METTL25: variants seen among roughly 807,000 people sequenced by gnomAD.
METTL25 encodes the protein probable methyltransferase-like protein 25.
A neutral mutation model predicts 71.6 loss-of-function variants in METTL25; 64 were observed. That is an observed-to-expected ratio of 0.89 (90% CI 0.73 to 1.10). The LOEUF (loss-of-function observed/expected upper bound fraction) is 1.10. Ranked by LOEUF, METTL25 falls within the 50% of genes least tolerant of loss-of-function variation. The pLI, the probability that METTL25 is intolerant of heterozygous loss-of-function variation, is 0.00. For missense variants in METTL25, 807 were observed against 707.0 expected (o/e 1.14, Z -1.60); for synonymous variants, 287 against 250.3 (o/e 1.15, Z -1.38).
chr12:82,422,552 T>G (rs1296611455), intron 5 of METTL25, among the ~76,000 whole-genome samples: 2 of 152,024 alleles, frequency 1.3e-5, no homozygotes, highest in African/African-American at 2.4e-5. Context: ...CCAGGGCAAT[T>G]AGGCAGGAGA....
intron 3 of METTL25, among the ~76,000 whole-genome samples, chr12:82,392,711 G>A (rs1885708635): frequency 6.6e-6 from 1 of 152,020 alleles, no homozygotes; most frequent in South Asian, 2.1e-4. Context: ...TCTTTGCCTA[G>A]ACCAATGTCC....
rs1892936347 is a variant in METTL25, at chr12:82,477,368, TTAAAA to T, written c.1719+19_1719+23del. 7.3e-7 allele frequency: 1 copy of T among 1,366,742 alleles called. No individual in the cohort carries two copies. The highest frequency in any genetic ancestry group is 2.0e-5 in the Admixed American group (1 of 49,820). The allele number at this position is 1,366,742 out of a possible 1,614,324, so 84.7% of individuals were successfully genotyped here. A position where few individuals can be genotyped will look rare whatever the true frequency, so the allele number is the denominator to read the frequency against. Reference sequence around the variant, plus strand: ...GAAAGAGCAGGTAAATTATGTTATTTTAAAATACACAACAAATATCTTATTAAATA... The same window carrying T: ...GAAAGAGCAGGTAAATTATGTTATTTTACACAACAAATATCTTATTAAATA... On this transcript the variant is annotated intron_variant, in intron 11 of 11. Transcript: ENST00000248306.
intron 1 of METTL25, 42 bp downstream of exon 1, chr12:82,358,866 G>A (rs1881358058): frequency 3.8e-6 from 6 of 1,559,056 alleles, no homozygotes; most frequent in African/African-American, 2.7e-5. Context: ...AGGCGGAGGA[G>A]AAGGTCCCGG....
chr12:82,431,765 A>T (rs1360379801), intron 6 of METTL25, among the ~76,000 whole-genome samples: 1 of 151,608 alleles, frequency 6.6e-6, no homozygotes, highest in Non-Finnish European at 1.5e-5. Flanking sequence ...TACAGACAAA[A>T]ATGCACTTAA....
chr12:82,433,970 T>A (rs943389096), intron 6 of METTL25, among the ~76,000 whole-genome samples: 1 of 151,268 alleles, frequency 6.6e-6, no homozygotes, highest in Non-Finnish European at 1.5e-5. Flanking sequence ...GAATACTCTA[T>A]TCCATATTTA....
intron 8 of METTL25, among the ~76,000 whole-genome samples, chr12:82,454,604 T>G (rs2137247856): frequency 6.6e-6 from 1 of 152,088 alleles, no homozygotes; most frequent in African/African-American, 2.4e-5. Context: ...ATAACCATAC[T>G]GTGATACTTT....
At chr12:82,463,740 A>C (rs1241174476) in intron 9 of METTL25, among the ~76,000 whole-genome samples, 1 of 151,870 alleles carries the variant, frequency 6.6e-6, no homozygotes, top group Non-Finnish European at 1.5e-5. Flanking sequence ...ATCCTTGCCA[A>C]CATTTGTTAT....
At chr12:82,391,390 A>G (rs1210113603) in intron 3 of METTL25, among the ~76,000 whole-genome samples, 2 of 152,052 alleles carry the variant, frequency 1.3e-5, no homozygotes, top group African/African-American at 4.8e-5. Context: ...AAATATAATG[A>G]TGTATCACTG....
intron 9 of METTL25, among the ~76,000 whole-genome samples, chr12:82,475,761 A>G (rs1359079288): frequency 6.6e-6 from 1 of 152,098 alleles, no homozygotes; most frequent in Non-Finnish European, 1.5e-5. Context: ...TGTAATACTT[A>G]TTTATATGAT....
At position 82,403,023 on chromosome 12, in the gene METTL25, C is replaced by T. The variant is rs1241186158; in HGVS notation, c.1172C>T (p.Ala391Val). ...GGTCTCCACACTTGTGGTGATCTGG[C>T]TCCAAATACTTTGCGAATATTTACC... ...MVGLHTCGDL[A>V]PNTLRIFTSN... Residue 391 changes from alanine (A) to valine (V), a missense_variant, in exon 5 of 12, where the codon GCT becomes GTT. By Grantham distance (64) the Ala-to-Val change is moderately conservative. Transcript: ENST00000248306. The T allele has an allele frequency of 6.2e-7, 1 of 1,612,906 alleles. No homozygotes were observed.
intron 5 of METTL25, among the ~76,000 whole-genome samples, chr12:82,411,591 A>G (rs1169335345): frequency 6.6e-6 from 1 of 152,126 alleles, no homozygotes; most frequent in African/African-American, 2.4e-5. Flanking sequence ...GGTCAAAACT[A>G]AAGAAGAAAC....
intron 7 of METTL25, 49 bp downstream of exon 7, chr12:82,434,773 C>T (rs746080600): frequency 1.4e-6 from 2 of 1,455,966 alleles, no homozygotes; most frequent in Non-Finnish European, 1.9e-6. Flanking sequence ...CTCTCAAGTA[C>T]TCTTCATACT....
intron 5 of METTL25, among the ~76,000 whole-genome samples, chr12:82,420,225 GT>G (rs995790326): frequency 6.6e-5 from 10 of 152,010 alleles, no homozygotes; most frequent in African/African-American, 2.4e-4. Flanking sequence ...AGGGTACAAA[GT>G]TTTGATTATA....
In METTL25 at chr12:82,403,125, A is replaced by T. The variant is rs371746726; in HGVS notation, c.1274A>T (p.His425Leu). The T allele has an allele frequency of 2.5e-6, 4 of 1,610,966 alleles. No homozygotes were observed. The highest frequency in any genetic ancestry group is 3.4e-6 in the Non-Finnish European group (4 of 1,178,838). Residue 425 changes from histidine (H) to leucine (L), a missense_variant, in exon 5 of 12, where the codon CAT becomes CTT. His to Leu is a moderately conservative substitution (Grantham distance 99, BLOSUM62 -3). Coordinates refer to ENST00000248306, the MANE Select transcript of METTL25 (RefSeq NM_032230.3). ...HLLSEEFENQ[H>L]KERTQEKWGF... ...TTATCTGAAGAATTTGAAAACCAGC[A>T]TAAAGGTACAAGTTCCCCATGTGTC...
In METTL25 at chr12:82,412,987, T is replaced by G. The variant is rs571572577; in HGVS notation, c.1279+9857T>G. On this transcript the variant is annotated intron_variant, in intron 5 of 11. Coordinates refer to ENST00000248306, the MANE Select transcript of METTL25 (RefSeq NM_032230.3). ...AAAAATAAAGTTTTAAAACAAATTA[T>G]GTGATTGATTATGCTTCAAAATAAA... is the stretch of plus-strand genomic sequence containing the variant. Among the ~76,000 whole-genome samples, 3 of 152,166 alleles carry G rather than the reference T, an allele frequency of 2.0e-5. No homozygotes were observed. The South Asian group carries it at 6.2e-4, about 31-fold the overall frequency.
At position 82,430,960 on chromosome 12, in the gene METTL25, T is replaced by C; in HGVS notation, c.1347T>C (p.Gly449=). Residue 449 remains glycine (G), a synonymous_variant, in exon 6 of 12, where the codon GGT becomes GGC. Coordinates refer to ENST00000248306, the MANE Select transcript of METTL25 (RefSeq NM_032230.3). ...HYLKEERWCC[G]RNARMSACLA... is the part of the protein sequence containing the mutation. ...TAAAGGAAGAGAGATGGTGCTGTGG[T>C]CGTAATGCCAGAATGTCAGCATGTT... 6.3e-7 allele frequency: 1 copy of C among 1,599,508 alleles called. No individual in the cohort carries two copies. Among genetic ancestry groups the C allele is most frequent in the Non-Finnish European group, 8.5e-7 (1 of 1,171,142 alleles).
intron 1 of METTL25, among the ~76,000 whole-genome samples, chr12:82,366,761 G>A (rs190153290): frequency 4.3e-4 from 65 of 152,126 alleles, no homozygotes; most frequent in Middle Eastern, 6.8e-3. Flanking sequence ...TAATTAGTGT[G>A]TTCTGTTTTA....
intron 5 of METTL25, among the ~76,000 whole-genome samples, chr12:82,427,780 C>T (rs900099441): frequency 4.5e-5 from 6 of 133,746 alleles, no homozygotes; most frequent in Non-Finnish European, 9.6e-5. Flanking sequence ...CAATCATCAT[C>T]TGTTTATTCT....
intron 5 of METTL25, among the ~76,000 whole-genome samples, chr12:82,429,102 A>G (rs1889270619): frequency 6.6e-6 from 1 of 151,752 alleles, no homozygotes; most frequent in Admixed American, 6.6e-5. Context: ...TGTTAACTAT[A>G]GCTACCTTGC....
Sources: gnomAD v4.1 joint callset for allele counts (sites outside exome capture counted in the v4.1 genomes callset) on GRCh38, gnomAD v4.1.1 for gene constraint, MANE v1.5 for transcripts, NCBI Gene and HGNC (gene_info 2026-07-23, HGNC 2026-07-21) for gene names.